Variants in PDE3A observed in about 807,000 individuals in gnomAD.
The protein encoded by PDE3A is cGMP-inhibited 3',5'-cyclic phosphodiesterase 3A.
PDE3A carries 43 observed loss-of-function variants against 98.3 expected under a neutral mutation model. The observed-to-expected ratio is 0.44, with a 90% CI of 0.34 to 0.56. The LOEUF (loss-of-function observed/expected upper bound fraction) is 0.56, where lower values mean the gene tolerates loss of function less well. PDE3A is among the 20% of genes least tolerant of loss of function. The probability of loss-of-function intolerance (pLI) is 0.01; values close to 1 mark genes in which losing one functional copy is unlikely to be tolerated. For missense variants in PDE3A, 1,427 were observed against 1,440.7 expected (o/e 0.99, Z 0.15); for synonymous variants, 663 against 567.9 (o/e 1.17, Z -2.38).
At chr12:20,633,854 C>A in intron 7 of PDE3A, 76 bp downstream of exon 7, 3 of 768,650 alleles carry the variant, frequency 3.9e-6, no homozygotes, top group Non-Finnish European at 6.4e-6. Context: ...AAACAGTGAT[C>A]TACATTTCTG....
chr12:20,530,887 T>G (rs551275558), intron 1 of PDE3A, among the ~76,000 whole-genome samples: 2 of 152,310 alleles, frequency 1.3e-5, no homozygotes, highest in East Asian at 3.9e-4. Flanking sequence ...GACTGTTTAA[T>G]TAAAACTTTA....
intron 1 of PDE3A, among the ~76,000 whole-genome samples, chr12:20,519,729 G>T (rs1360348691): frequency 1.3e-5 from 2 of 152,190 alleles, no homozygotes; most frequent in African/African-American, 2.4e-5. Context: ...CAAAGGAAGA[G>T]AAAGGGATTT....
chr12:20,422,292 C>G (rs1048591495), intron 1 of PDE3A, among the ~76,000 whole-genome samples: 2 of 151,424 alleles, frequency 1.3e-5, no homozygotes, highest in Non-Finnish European at 2.9e-5. Context: ...TGCAGTGAGC[C>G]AAGATCGCAC....
chr12:20,511,894 G>GT (rs1946231532), intron 1 of PDE3A, among the ~76,000 whole-genome samples: 1 of 152,032 alleles, frequency 6.6e-6, no homozygotes, highest in Non-Finnish European at 1.5e-5. Flanking sequence ...GATGTAATTA[G>GT]AATACCAGTT....
chr12:20,639,190 G>C (rs1944589937), intron 9 of PDE3A, among the ~76,000 whole-genome samples: 1 of 152,010 alleles, frequency 6.6e-6, no homozygotes, highest in Non-Finnish European at 1.5e-5. Flanking sequence ...CTGGGAATGG[G>C]AGAAAACAAT....
At position 20,656,449 on chromosome 12, in the gene PDE3A, T is replaced by C. The variant is rs537699919; in HGVS notation, c.3184+2244T>C. ...GGCCTGTTAATTACTTTTTGTAGAA[T>C]GGGGGAAAATTAAAGTTGTTTTTCT... On this transcript the variant is annotated intron_variant, in intron 15 of 15. Coordinates refer to ENST00000359062, the MANE Select transcript of PDE3A (RefSeq NM_000921.5). Among the ~76,000 whole-genome samples the C allele has an allele frequency of 1.4e-4, 22 of 152,278 alleles. No individual in the cohort carries two copies. The South Asian group carries it at 4.3e-3, about 30-fold the overall frequency.
At chr12:20,595,365 T>C (rs549950787) in intron 2 of PDE3A, among the ~76,000 whole-genome samples, 1 of 152,254 alleles carries the variant, frequency 6.6e-6, no homozygotes, top group South Asian at 2.1e-4. Flanking sequence ...CCATTCTTGA[T>C]CAAATCCCTG....
intron 2 of PDE3A, among the ~76,000 whole-genome samples, chr12:20,607,476 G>A (rs34085523): frequency 0.42 from 64,028 of 151,024 alleles, 14,008 homozygotes; most frequent in Admixed American, 0.5. Flanking sequence ...AAACACATTG[G>A]AAAATGGTGA....
intron 1 of PDE3A, among the ~76,000 whole-genome samples, chr12:20,522,732 G>A (rs965919529): frequency 3.3e-5 from 5 of 152,136 alleles, no homozygotes; most frequent in African/African-American, 9.7e-5. Context: ...AGGGCAGAAT[G>A]ATCCTAAGGT....
intron 14 of PDE3A, 44 bp from the exon 15 acceptor site, chr12:20,653,903 C>A: frequency 6.3e-7 from 1 of 1,595,848 alleles, no homozygotes; most frequent in Non-Finnish European, 8.6e-7. Context: ...TTACAAATTT[C>A]AGATGCCAGG....
intron 1 of PDE3A, among the ~76,000 whole-genome samples, chr12:20,453,666 G>C (rs930702675): frequency 2.0e-5 from 3 of 152,142 alleles, no homozygotes; most frequent in Non-Finnish European, 4.4e-5. Flanking sequence ...TCATTGTTTT[G>C]AATATAAGTA....
At chr12:20,495,438 G>A (rs1385610265) in intron 1 of PDE3A, among the ~76,000 whole-genome samples, 1 of 151,996 alleles carries the variant, frequency 6.6e-6, no homozygotes, top group Non-Finnish European at 1.5e-5. Context: ...AGTAGTTAAT[G>A]TTTTATGTGT....
At position 20,651,057 on chromosome 12, in the gene PDE3A, G is replaced by A. The variant is rs544919351; in HGVS notation, c.2925+457G>A. Among the ~76,000 whole-genome samples, 137 of 152,182 alleles carry A rather than the reference G, an allele frequency of 9.0e-4. 1 individual carries two copies. The Middle Eastern group carries it at 0.01, about 11-fold the overall frequency. On this transcript the variant is annotated intron_variant, in intron 14 of 15. Transcript: ENST00000359062. ...TAAATGTACATGGAATAGTTTATATGTATATGTATATGGTAGTTCGAATGT... is the reference window on the plus strand; with the variant it reads ...TAAATGTACATGGAATAGTTTATATATATATGTATATGGTAGTTCGAATGT...
At chr12:20,543,278 CCTAA>C (rs1348579478) in intron 1 of PDE3A, among the ~76,000 whole-genome samples, 6 of 150,710 alleles carry the variant, frequency 4.0e-5, no homozygotes, top group Non-Finnish European at 5.9e-5. Context: ...TTTAAACAGG[CCTAA>C]CTATCAATTG....
At chr12:20,441,910 G>A (rs10841526) in intron 1 of PDE3A, among the ~76,000 whole-genome samples, 125,046 of 152,060 alleles carry the variant, frequency 0.82, 53,161 homozygotes, top group East Asian at 0.99. Flanking sequence ...CCCATGGTGT[G>A]CAAGGCCTTG....
At chr12:20,564,860 A>T (rs754671825) in intron 2 of PDE3A, among the ~76,000 whole-genome samples, 40 of 152,124 alleles carry the variant, frequency 2.6e-4, no homozygotes, top group Admixed American at 3.9e-4. Context: ...TTTCCATGAC[A>T]TGGGCACTAC....
intron 2 of PDE3A, among the ~76,000 whole-genome samples, chr12:20,565,431 G>T (rs527733712): frequency 2.0e-4 from 31 of 152,038 alleles, no homozygotes; most frequent in African/African-American, 7.5e-4. Flanking sequence ...GTGGATTTTT[G>T]ATTTTTACTT....
At chr12:20,516,986 G>C (rs1051216887) in intron 1 of PDE3A, among the ~76,000 whole-genome samples, 2 of 152,148 alleles carry the variant, frequency 1.3e-5, no homozygotes, top group Admixed American at 1.3e-4. Context: ...TCTTTGTACA[G>C]ATGGGAAAAA....
At chr12:20,625,895 A>G (rs1944250659) in intron 5 of PDE3A, among the ~76,000 whole-genome samples, 2 of 152,182 alleles carry the variant, frequency 1.3e-5, no homozygotes, top group African/African-American at 4.8e-5. Context: ...AGTTTGAATC[A>G]TTCAAAAATT....
Sources: gnomAD v4.1 joint callset for allele counts (sites outside exome capture counted in the v4.1 genomes callset) on GRCh38, gnomAD v4.1.1 for gene constraint, MANE v1.5 for transcripts, NCBI Gene and HGNC (gene_info 2026-07-23, HGNC 2026-07-21) for gene names.